Variants in AKAP13 observed in about 807,000 individuals in gnomAD.
AKAP13 encodes the protein A-kinase anchoring protein 13.
Under a neutral mutation model 264.5 loss-of-function variants are expected in AKAP13, and 80 were observed. The ratio of observed to expected loss-of-function variants is 0.30; its 90% CI spans 0.25 to 0.36. AKAP13 has a LOEUF of 0.36. Among genes scored for constraint, AKAP13 ranks in the 10% least tolerant of loss-of-function variants. AKAP13 has a pLI of 1.00. For synonymous variants in AKAP13, 1,380 were observed against 1,250.2 expected (o/e 1.10, Z -2.19); for missense variants, 3,712 against 3,435.2 (o/e 1.08, Z -2.01).
Position 85,730,654 on chromosome 15 carries a change from A to G in AKAP13, c.7229A>G (p.Asn2410Ser). The change falls in exon 30 of 37, where the codon AAC (asparagine) becomes AGC (serine). Residue 2410 changes from asparagine to serine, a missense_variant. By Grantham distance (46) the Asn-to-Ser change is conservative (BLOSUM62 1). Coordinates refer to ENST00000394518, the MANE Select transcript of AKAP13 (RefSeq NM_007200.5). Reference protein sequence around the residue: ...THSPRVLFRSNTEEALKGGPL... With the variant: ...THSPRVLFRSSTEEALKGGPL... ...AGCCCTAGAGTTCTCTTCCGCTCCA[A>G]CACAGAAGAGGCTCTCAAAGGAGGA... 1 of 1,614,144 alleles carries G rather than the reference A, an allele frequency of 6.2e-7. No individual in the cohort carries two copies. Among genetic ancestry groups the G allele is most frequent in the Non-Finnish European group, 8.5e-7 (1 of 1,180,018 alleles).
chr15:85,573,572 A>AATAAATAAATAAATAAATAAATAAG (rs998963083), intron 5 of AKAP13, among the ~76,000 whole-genome samples: 4 of 151,956 alleles, frequency 2.6e-5, no homozygotes, highest in African/African-American at 9.7e-5. Context: ...TAAATAAATA[A>AATAAATAAATAAATAAATAAATAAG]ATATGATATG....
At chr15:85,432,421 A>G (rs2073065266) in intron 1 of AKAP13, among the ~76,000 whole-genome samples, 1 of 151,976 alleles carries the variant, frequency 6.6e-6, no homozygotes, top group Non-Finnish European at 1.5e-5. Flanking sequence ...TTTTATGCAG[A>G]AAGTGGTTTG....
chr15:85,437,068 A>G (rs1470175610), intron 1 of AKAP13, among the ~76,000 whole-genome samples: 18 of 146,272 alleles, frequency 1.2e-4, no homozygotes, highest in Non-Finnish European at 2.0e-4. Context: ...TTGATAGACC[A>G]CTAGCAAGAC....
rs561106280 is a variant in AKAP13, at chr15:85,604,052, G to A, written c.4161+18229G>A. Among the ~76,000 whole-genome samples the A allele has an allele frequency of 4.6e-5, 7 of 152,318 alleles. No individual in the cohort carries two copies. The South Asian group carries it at 1.5e-3, about 32-fold the overall frequency. On this transcript the variant is annotated intron_variant, in intron 8 of 36. Coordinates refer to ENST00000394518, the MANE Select transcript of AKAP13 (RefSeq NM_007200.5). Reference sequence around the variant, plus strand: ...TGTCTCAAAAGAAAAAGGGACACAGGAAGAACTTCAGCAAGGTTGATATCT... The same window carrying A: ...TGTCTCAAAAGAAAAAGGGACACAGAAAGAACTTCAGCAAGGTTGATATCT...
chr15:85,679,139 G>A (rs981522953), intron 14 of AKAP13, among the ~76,000 whole-genome samples: 29 of 152,166 alleles, frequency 1.9e-4, no homozygotes, highest in African/African-American at 7.0e-4. Flanking sequence ...TATTCAGGAG[G>A]CTGAGGTAGG....
chr15:85,447,968 A>G (rs952207665), intron 1 of AKAP13, among the ~76,000 whole-genome samples: 1 of 152,180 alleles, frequency 6.6e-6, no homozygotes, highest in Non-Finnish European at 1.5e-5. Flanking sequence ...CAATGGTTGA[A>G]CTAATTTACC....
chr15:85,713,376 A>C (rs1220251999), intron 19 of AKAP13, among the ~76,000 whole-genome samples: 4 of 152,020 alleles, frequency 2.6e-5, no homozygotes, highest in Non-Finnish European at 5.9e-5. Context: ...GGTTCTTCTC[A>C]TCAGAATTGT....
intron 1 of AKAP13, among the ~76,000 whole-genome samples, chr15:85,426,528 ATATT>A (rs1396010374): frequency 1.3e-5 from 2 of 152,238 alleles, no homozygotes; most frequent in African/African-American, 2.4e-5. Flanking sequence ...ACAATTGCGC[ATATT>A]TAAAGTGTAT....
chr15:85,451,994 AG>A (rs1250642210), intron 1 of AKAP13, among the ~76,000 whole-genome samples: 2 of 150,934 alleles, frequency 1.3e-5, no homozygotes, highest in African/African-American at 2.4e-5. Context: ...CTTGCCTTTG[AG>A]GGATGCCAGT....
intron 1 of AKAP13, among the ~76,000 whole-genome samples, chr15:85,400,244 CAAAA>C (rs2071357753): frequency 2.0e-5 from 3 of 152,016 alleles, no homozygotes; most frequent in Non-Finnish European, 4.4e-5. Context: ...CCTGTCTCTA[CAAAA>C]TAAAAATTAA....
chr15:85,681,025 T>C (rs1458382016), intron 14 of AKAP13, among the ~76,000 whole-genome samples: 2 of 151,974 alleles, frequency 1.3e-5, no homozygotes. Context: ...ACCATGTTGG[T>C]CAGCCTGGTC....
At chr15:85,623,632 C>T (rs976714480) in intron 8 of AKAP13, among the ~76,000 whole-genome samples, 1 of 152,200 alleles carries the variant, frequency 6.6e-6, no homozygotes, top group Non-Finnish European at 1.5e-5. Flanking sequence ...CTCTTCTGTC[C>T]CATCATCAAC....
At chr15:85,393,595 C>T (rs1434942838) in intron 1 of AKAP13, among the ~76,000 whole-genome samples, 1 of 152,128 alleles carries the variant, frequency 6.6e-6, no homozygotes, top group African/African-American at 2.4e-5. Context: ...GAAGAAGAAA[C>T]TTTTGTGTGT....
intron 1 of AKAP13, among the ~76,000 whole-genome samples, chr15:85,432,763 T>C (rs769007794): frequency 6.6e-6 from 1 of 152,170 alleles, no homozygotes; most frequent in Non-Finnish European, 1.5e-5. Flanking sequence ...TGAGTCATAT[T>C]ACTATAAAAG....
chr15:85,624,321 A>G (rs899092627), intron 8 of AKAP13: 16 of 152,210 alleles, frequency 1.1e-4, no homozygotes, highest in Admixed American at 8.5e-4. Context: ...TTGAATGAAA[A>G]TATTTACAGA....
chr15:85,415,206 G>A (rs1021287503), intron 1 of AKAP13: 21 of 1,491,116 alleles, frequency 1.4e-5, no homozygotes, highest in Middle Eastern at 2.3e-4. Context: ...CGCTCTGCAC[G>A]CCAGCTCGCC....
chr15:85,733,970 A>G (rs1433038200), intron 30 of AKAP13, among the ~76,000 whole-genome samples: 3 of 134,360 alleles, frequency 2.2e-5, no homozygotes, highest in African/African-American at 8.2e-5. Flanking sequence ...CCTCCTGAGT[A>G]GCTGGGTTTA....
intron 5 of AKAP13, among the ~76,000 whole-genome samples, chr15:85,568,817 A>G (rs2151284671): frequency 6.6e-6 from 1 of 152,360 alleles, no homozygotes; most frequent in Admixed American, 6.5e-5. Flanking sequence ...TTTGTTTTGT[A>G]GAACAGAGCT....
At chr15:85,405,915 A>C (rs1167125805) in intron 1 of AKAP13, among the ~76,000 whole-genome samples, 2 of 151,864 alleles carry the variant, frequency 1.3e-5, no homozygotes, top group African/African-American at 2.4e-5. Flanking sequence ...ACTGGTGATC[A>C]CAGCTCACCA....
Sources: allele counts gnomAD v4.1 joint callset (sites outside exome capture counted in the v4.1 genomes callset), GRCh38; gene constraint gnomAD v4.1.1; transcripts MANE v1.5; gene names NCBI Gene and HGNC (gene_info 2026-07-23, HGNC 2026-07-21).